Variants in NREP observed in about 807,000 individuals in gnomAD.
NREP encodes the protein neuronal regeneration related protein.
A neutral mutation model predicts 8.6 loss-of-function variants in NREP; 5 were observed. That is an observed-to-expected ratio of 0.58 (90% CI 0.30 to 1.22). The LOEUF (loss-of-function observed/expected upper bound fraction) is 1.22. NREP is among the 50% of genes most tolerant of loss of function. The pLI, the probability that NREP is intolerant of heterozygous loss-of-function variation, is 0.07. For missense variants in NREP, 86 were observed against 82.5 expected (o/e 1.04, Z -0.17); for synonymous variants, 27 against 28.0 (o/e 0.96, Z 0.11).
At chr5:111,739,750 G>C (rs1288499545) in intron 2 of NREP, 1 of 151,960 alleles carries the variant, frequency 6.6e-6, no homozygotes. Context: ...TGTTGTTTCG[G>C]TGGTTTGCAT....
chr5:111,839,899 A>T (rs987102538), intron 2 of NREP, among the ~76,000 whole-genome samples: 2 of 151,930 alleles, frequency 1.3e-5, no homozygotes, highest in African/African-American at 2.4e-5. Context: ...GTTACTATTA[A>T]CTCCATTTTA....
At chr5:111,886,040 C>A (rs1419105244) in intron 2 of NREP, among the ~76,000 whole-genome samples, 12 of 152,198 alleles carry the variant, frequency 7.9e-5, no homozygotes, top group Admixed American at 2.6e-4. Flanking sequence ...CAGGCAGCCT[C>A]CAAAATGGGA....
Position 111,730,548 on chromosome 5 carries a change from G to T in NREP, c.*373C>A, listed in dbSNP as rs756643273. 7.1e-5 allele frequency: 12 copies of T among 170,102 alleles called. No individual in the cohort carries two copies. The highest frequency in any genetic ancestry group is 1.7e-4 in the East Asian group (1 of 5,940). 10.5% of individuals were successfully genotyped at this position (170,102 alleles called of 1,614,324 possible). ...TAAATGAAAAAAAAGGTGGGGGGGG[G>T]ACTCTCAGCCTCTGCAAGAAGCAGT... On this transcript the variant is annotated 3_prime_UTR_variant, in exon 4 of 4. Coordinates refer to ENST00000257435, the MANE Select transcript of NREP (RefSeq NM_004772.4).
intron 2 of NREP, among the ~76,000 whole-genome samples, chr5:111,799,625 T>A (rs1407894405): frequency 6.6e-6 from 1 of 152,226 alleles, no homozygotes; most frequent in Non-Finnish European, 1.5e-5. Context: ...AATGTTTGCA[T>A]GAAAGTCTGA....
At chr5:111,873,687 G>A (rs1753839981) in intron 2 of NREP, among the ~76,000 whole-genome samples, 1 of 152,046 alleles carries the variant, frequency 6.6e-6, no homozygotes, top group Non-Finnish European at 1.5e-5. Flanking sequence ...GATCAGAATG[G>A]GCCTACCCAA....
At chr5:111,907,316 A>C (rs1754802359) in intron 2 of NREP, among the ~76,000 whole-genome samples, 1 of 151,870 alleles carries the variant, frequency 6.6e-6, no homozygotes, top group Admixed American at 6.6e-5. Context: ...TTTATAGTTT[A>C]ATATTTTACT....
At chr5:111,905,532 A>C (rs952255272) in intron 2 of NREP, among the ~76,000 whole-genome samples, 36 of 152,282 alleles carry the variant, frequency 2.4e-4, no homozygotes, top group African/African-American at 8.7e-4. Context: ...CCGTGGCTTA[A>C]ATTATTTCTA....
chr5:111,803,737 T>A (rs952646785), intron 2 of NREP, among the ~76,000 whole-genome samples: 14 of 152,322 alleles, frequency 9.2e-5, no homozygotes, highest in Admixed American at 8.5e-4. Context: ...AAACTTTTCA[T>A]TGTCATTTTA....
intron 2 of NREP, among the ~76,000 whole-genome samples, chr5:111,872,965 A>C (rs1753823450): frequency 6.6e-6 from 1 of 152,154 alleles, no homozygotes; most frequent in Admixed American, 6.6e-5. Flanking sequence ...CAGCCATTTT[A>C]ACTTGGGTCT....
rs140218831 is a variant in NREP, at chr5:111,910,360, A to G, written c.135+64914T>C. On this transcript the variant is annotated intron_variant, in intron 2 of 3. Coordinates refer to the NREP transcript ENST00000395634. ...AAGTTAAATCATCTTTTTTTTCCAT[A>G]ATAAGAGTTCTCAAAGGAACAGCAC... is the stretch of plus-strand genomic sequence containing the variant. Among the ~76,000 whole-genome samples the G allele has an allele frequency of 3.1e-3, 473 of 152,036 alleles. 2 individuals carry two copies. Among genetic ancestry groups the G allele is most frequent in the Middle Eastern group, 6.8e-3 (2 of 292 alleles).
intron 2 of NREP, among the ~76,000 whole-genome samples, chr5:111,945,285 CTTT>C (rs530602193): frequency 6.6e-6 from 1 of 151,390 alleles, no homozygotes. Context: ...TTATAAAGAA[CTTT>C]TTTTTTATTA....
chr5:111,797,194 A>T (rs1444837055), intron 2 of NREP, among the ~76,000 whole-genome samples: 7 of 152,238 alleles, frequency 4.6e-5, no homozygotes, highest in Admixed American at 1.3e-4. Flanking sequence ...CAATTTATCC[A>T]TTCAATAAAT....
chr5:111,786,476 G>C (rs1031996545), intron 2 of NREP, among the ~76,000 whole-genome samples: 1 of 152,158 alleles, frequency 6.6e-6, no homozygotes, highest in African/African-American at 2.4e-5. Flanking sequence ...ATGTCCAAAA[G>C]TCTTCAACAG....
At chr5:111,843,042 CT>C (rs1327475988) in intron 2 of NREP, among the ~76,000 whole-genome samples, 1 of 152,046 alleles carries the variant, frequency 6.6e-6, no homozygotes, top group Non-Finnish European at 1.5e-5. Context: ...TATGTTTAAT[CT>C]ATTTTTGATT....
At chr5:111,933,149 C>T (rs544314654) in intron 2 of NREP, among the ~76,000 whole-genome samples, 1 of 152,218 alleles carries the variant, frequency 6.6e-6, no homozygotes, top group South Asian at 2.1e-4. Context: ...GAAATGTGAT[C>T]TATGGGAACA....
intron 2 of NREP, among the ~76,000 whole-genome samples, chr5:111,824,141 C>T (rs1178743853): frequency 6.6e-6 from 1 of 152,120 alleles, no homozygotes; most frequent in Non-Finnish European, 1.5e-5. Flanking sequence ...GAGGCTGAGT[C>T]GGGCGGATCA....
At chr5:111,780,915 G>C (rs1751478765) in intron 2 of NREP, among the ~76,000 whole-genome samples, 2 of 151,986 alleles carry the variant, frequency 1.3e-5, no homozygotes, top group South Asian at 4.1e-4. Flanking sequence ...TTTATTTTAA[G>C]TTCAGGGGTA....
At chr5:111,762,412 A>C (rs1240464470), upstream of NREP, among the ~76,000 whole-genome samples, 1 of 151,862 alleles carries the variant, frequency 6.6e-6, no homozygotes, top group Non-Finnish European at 1.5e-5. Context: ...CCTTTTCCTC[A>C]TGCTTCCTTC....
chr5:111,764,737 G>A (rs1383487556), intron 2 of NREP, among the ~76,000 whole-genome samples: 1 of 152,074 alleles, frequency 6.6e-6, no homozygotes, highest in Non-Finnish European at 1.5e-5. Context: ...TCAAATGTTA[G>A]GGTAGTATTT....
Sources: allele counts gnomAD v4.1 joint callset (sites outside exome capture counted in the v4.1 genomes callset), GRCh38; gene constraint gnomAD v4.1.1; transcripts MANE v1.5; gene names NCBI Gene and HGNC (gene_info 2026-07-23, HGNC 2026-07-21).